MCF2L2: variants seen among roughly 807,000 people sequenced by gnomAD.
MCF2L2 encodes probable guanine nucleotide exchange factor MCF2L2.
MCF2L2 carries 102 observed loss-of-function variants against 150.2 expected under a neutral mutation model. That is an observed-to-expected ratio of 0.68 (90% CI 0.58 to 0.80). The LOEUF is 0.80. MCF2L2 is among the 30% of genes least tolerant of loss of function. MCF2L2 has a pLI of 0.00. For synonymous variants in MCF2L2, 465 were observed against 491.3 expected, an observed-to-expected ratio of 0.95 and a Z score of 0.71; for missense variants, 1,256 against 1,372.8, an observed-to-expected ratio of 0.91 and a Z score of 1.34.
Position 183,179,961 on chromosome 3 carries a change from T to G in MCF2L2, c.3105+110A>C. The stretch of plus-strand genomic sequence containing the variant: ...CCTGGCTTAACCAGGTCCTTATGGG[T>G]GAGAATCCTGAGGAGGGGGAGAGGG... On this transcript the variant is annotated intron_variant, in intron 28 of 29. Coordinates refer to ENST00000328913, the MANE Select transcript of MCF2L2 (RefSeq NM_015078.4). The surrounding 1 kb of genome is among the most constrained non-coding windows in gnomAD (Gnocchi z 4.2). The G allele has an allele frequency of 8.5e-6, 8 of 941,020 alleles. No individual in the cohort carries two copies. Among genetic ancestry groups the G allele is most frequent in the Non-Finnish European group, 1.4e-5 (8 of 589,774 alleles). 58.3% of individuals were successfully genotyped at this position (941,020 alleles called of 1,614,324 possible).
chr3:183,286,834 T>A (rs1047488291), intron 14 of MCF2L2, among the ~76,000 whole-genome samples: 4 of 152,140 alleles, frequency 2.6e-5, no homozygotes, highest in Non-Finnish European at 4.4e-5. Flanking sequence ...ACTGTTAACA[T>A]ACACTGTTGT....
chr3:183,314,471 C>T lies in MCF2L2; in HGVS notation c.754-2699G>A, dbSNP rs115328743. 4.9e-3 allele frequency among the ~76,000 whole-genome samples: 750 copies of T among 152,166 alleles called. 6 individuals are homozygous for T. Among genetic ancestry groups the T allele is most frequent in the African/African-American group, 0.016 (683 of 41,502 alleles). ...TAGTAACAACTCCCTGGAGAAATAG[C>T]AAGTAAGGCTGAAAACCTCTCCAAC... On this transcript the variant is annotated intron_variant, in intron 7 of 29. Coordinates refer to ENST00000328913, the MANE Select transcript of MCF2L2 (RefSeq NM_015078.4).
chr3:183,353,887 C>T (rs1013749916), intron 3 of MCF2L2, among the ~76,000 whole-genome samples: 1 of 152,142 alleles, frequency 6.6e-6, no homozygotes, highest in East Asian at 1.9e-4. Context: ...TTCTATAGAG[C>T]TTCCACATTT....
chr3:183,360,948 G>C (rs1712098664), intron 3 of MCF2L2, among the ~76,000 whole-genome samples: 1 of 140,484 alleles, frequency 7.1e-6, no homozygotes. Flanking sequence ...GGCAAGAAGA[G>C]TGAAACTCAG....
chr3:183,348,584 T>A (rs1577080846), intron 3 of MCF2L2, among the ~76,000 whole-genome samples: 1 of 151,980 alleles, frequency 6.6e-6, no homozygotes, highest in South Asian at 2.1e-4. Context: ...AATAAATTTT[T>A]AAAAAGGCAA....
intron 3 of MCF2L2, among the ~76,000 whole-genome samples, chr3:183,361,020 A>AAGACCAGATAAGACAG (rs1412282490): frequency 1.9e-4 from 24 of 126,662 alleles, no homozygotes; most frequent in African/African-American, 6.8e-4. Flanking sequence ...AAAGAAAAGA[A>AAGACCAGATAAGACAG]AAGAGAAAAG....
chr3:183,292,087 ATGTG>A (rs143160748), intron 13 of MCF2L2, among the ~76,000 whole-genome samples: 3 of 151,570 alleles, frequency 2.0e-5, no homozygotes, highest in Non-Finnish European at 2.9e-5. Context: ...ATGTGTGTGG[ATGTG>A]TGTGTGTGTG....
intron 14 of MCF2L2, chr3:183,287,421 C>T (rs1377986685): frequency 6.6e-6 from 1 of 152,182 alleles, no homozygotes; most frequent in Non-Finnish European, 1.5e-5. Flanking sequence ...GATCATGTGA[C>T]ACAGTCCTCA....
intron 14 of MCF2L2, among the ~76,000 whole-genome samples, chr3:183,279,338 G>A (rs1727347698): frequency 1.3e-5 from 2 of 152,208 alleles, no homozygotes; most frequent in South Asian, 4.1e-4. Context: ...CTAGGAGGAA[G>A]AGAGCATATT....
At chr3:183,216,599 T>A (rs1249668730) in intron 21 of MCF2L2, among the ~76,000 whole-genome samples, 8 of 25,984 alleles carry the variant, frequency 3.1e-4, no homozygotes, top group African/African-American at 7.1e-4. Flanking sequence ...TTTTTTTTTT[T>A]TTTTTTTTTT....
chr3:183,230,861 A>G, intron 16 of MCF2L2, 90 bp downstream of exon 16: 2 of 937,172 alleles, frequency 2.1e-6, no homozygotes, highest in Non-Finnish European at 3.3e-6. Context: ...AATTCTGGAG[A>G]CTTCTGGCAA....
chr3:183,245,677 C>T (rs1221509539), intron 15 of MCF2L2, among the ~76,000 whole-genome samples: 1 of 152,136 alleles, frequency 6.6e-6, no homozygotes, highest in African/African-American at 2.4e-5. Context: ...CATCCTTCTT[C>T]TGTTTTGATT....
chr3:183,303,023 T>C (rs1728931030), intron 10 of MCF2L2, among the ~76,000 whole-genome samples: 1 of 151,850 alleles, frequency 6.6e-6, no homozygotes, highest in African/African-American at 2.4e-5. Flanking sequence ...TGAAACCCCA[T>C]CTCTACTAAA....
At chr3:183,239,474 T>C (rs975100791) in intron 15 of MCF2L2, among the ~76,000 whole-genome samples, 1 of 146,198 alleles carries the variant, frequency 6.8e-6, no homozygotes, top group Non-Finnish European at 1.5e-5. Flanking sequence ...AAAAAAAAAA[T>C]GCAATCCTTT....
At chr3:183,308,986 A>G (rs1268393196) in intron 10 of MCF2L2, among the ~76,000 whole-genome samples, 1 of 152,200 alleles carries the variant, frequency 6.6e-6, no homozygotes, top group Non-Finnish European at 1.5e-5. Flanking sequence ...GCAGAAAGGA[A>G]CTTCTCTGGA....
chr3:183,341,440 G>T, intron 4 of MCF2L2, 100 bp downstream of exon 4: 3 of 938,598 alleles, frequency 3.2e-6, no homozygotes, highest in Non-Finnish European at 5.0e-6. Flanking sequence ...CCCAAAATTT[G>T]ACATAAAATA....
chr3:183,323,200 G>A (rs759022217), intron 6 of MCF2L2, 35 bp downstream of exon 6: 3 of 1,438,172 alleles, frequency 2.1e-6, no homozygotes, highest in Admixed American at 1.7e-5. Context: ...AAAACAAGGA[G>A]AGACAGTGAA....
intron 22 of MCF2L2, among the ~76,000 whole-genome samples, chr3:183,211,990 G>T (rs1374120477): frequency 6.6e-6 from 1 of 152,102 alleles, no homozygotes; most frequent in Non-Finnish European, 1.5e-5. Context: ...GGGTTAGGAT[G>T]GGTCCAAATC....
At chr3:183,329,822 T>C (rs898508110) in intron 5 of MCF2L2, among the ~76,000 whole-genome samples, 4 of 152,224 alleles carry the variant, frequency 2.6e-5, no homozygotes, top group African/African-American at 9.6e-5. Context: ...GCTACATGCA[T>C]GGGCTAACTG....
Sources: allele counts gnomAD v4.1 joint callset (sites outside exome capture counted in the v4.1 genomes callset), GRCh38; gene constraint gnomAD v4.1.1; non-coding constraint Gnocchi (gnomAD v3.1); transcripts MANE v1.5; gene names NCBI Gene and HGNC (gene_info 2026-07-23, HGNC 2026-07-21).